ALPK1: variants seen among roughly 807,000 people sequenced by gnomAD.
ALPK1 encodes alpha-protein kinase 1.
In ALPK1, 110 loss-of-function variants were observed where a neutral mutation model predicts 120.6. The observed-to-expected ratio is 0.91, with a 90% confidence interval of 0.78 to 1.07. ALPK1 has a LOEUF of 1.07. ALPK1 is among the 50% of genes least tolerant of loss of function. ALPK1 has a pLI of 0.00. For synonymous variants in ALPK1, 582 were observed against 560.3 expected, an observed-to-expected ratio of 1.04 and a Z score of -0.55; for missense variants, 1,498 against 1,483.9, an observed-to-expected ratio of 1.01 and a Z score of -0.16.
chr4:112,336,697 A>T (rs975686112), intron 2 of ALPK1, among the ~76,000 whole-genome samples: 1 of 152,128 alleles, frequency 6.6e-6, no homozygotes, highest in Non-Finnish European at 1.5e-5. Flanking sequence ...TTCTATAGTT[A>T]TCTTTTTTGT....
In ALPK1 at chr4:112,335,427, C is replaced by T. The variant is rs138868296; in HGVS notation, c.-101+19575C>T. On this transcript the variant is annotated intron_variant, in intron 2 of 15. Transcript: ENST00000650871. The stretch of plus-strand genomic sequence containing the variant: ...TTTTGCAAAAGGTAGATATGAATGC[C>T]TTTGTGGGAGGATGGTTGGATTCCT... 3.7e-4 allele frequency among the ~76,000 whole-genome samples: 56 copies of T among 152,122 alleles called. 1 individual carries two copies. In the East Asian group the frequency reaches 0.01, roughly 28 times the overall value.
At chr4:112,306,793 C>T (rs572836362) in intron 1 of ALPK1, among the ~76,000 whole-genome samples, 1 of 152,110 alleles carries the variant, frequency 6.6e-6, no homozygotes, top group African/African-American at 2.4e-5. Flanking sequence ...CTTCTGCTAG[C>T]TTTTGAATGT....
chr4:112,323,826 A>G (rs574999298), intron 2 of ALPK1, among the ~76,000 whole-genome samples: 5 of 152,204 alleles, frequency 3.3e-5, no homozygotes, highest in Admixed American at 6.5e-5. Context: ...GGCAGACGGC[A>G]TGAAACTCCT....
intron 2 of ALPK1, among the ~76,000 whole-genome samples, chr4:112,361,590 G>C (rs1407368953): frequency 2.0e-5 from 3 of 152,168 alleles, no homozygotes; most frequent in African/African-American, 7.2e-5. Context: ...TCTGAGCTTA[G>C]ACACGCCTAA....
intron 2 of ALPK1, among the ~76,000 whole-genome samples, chr4:112,338,156 G>A (rs930009611): frequency 2.0e-5 from 3 of 152,042 alleles, no homozygotes; most frequent in African/African-American, 7.3e-5. Context: ...TAGTAGAGAC[G>A]GGGTTTTGCC....
chr4:112,403,378 C>T (rs1448259617), intron 4 of ALPK1, among the ~76,000 whole-genome samples: 1 of 152,130 alleles, frequency 6.6e-6, no homozygotes, highest in Non-Finnish European at 1.5e-5. Flanking sequence ...CCACCTAAAT[C>T]TGTATGTAGT....
At chr4:112,332,518 G>C (rs1252952437) in intron 2 of ALPK1, among the ~76,000 whole-genome samples, 1 of 152,180 alleles carries the variant, frequency 6.6e-6, no homozygotes, top group East Asian at 1.9e-4. Context: ...TCATTGACTG[G>C]TTGCCATCAA....
At chr4:112,381,181 T>G (rs991592750) in intron 3 of ALPK1, among the ~76,000 whole-genome samples, 1 of 152,150 alleles carries the variant, frequency 6.6e-6, no homozygotes, top group Non-Finnish European at 1.5e-5. Flanking sequence ...CAGGCAAGAA[T>G]TACTGCCAAG....
At chr4:112,373,646 G>C (rs1467213072) in intron 2 of ALPK1, among the ~76,000 whole-genome samples, 1 of 152,108 alleles carries the variant, frequency 6.6e-6, no homozygotes, top group Non-Finnish European at 1.5e-5. Flanking sequence ...AATCCTACTT[G>C]GGAGGTTGAG....
intron 4 of ALPK1, among the ~76,000 whole-genome samples, chr4:112,386,803 T>C (rs1454167190): frequency 6.6e-6 from 1 of 152,226 alleles, no homozygotes; most frequent in Non-Finnish European, 1.5e-5. Context: ...CGCCTGACAC[T>C]TTGACCTGTA....
chr4:112,306,184 C>T (rs1247627488), intron 1 of ALPK1, among the ~76,000 whole-genome samples: 1 of 152,044 alleles, frequency 6.6e-6, no homozygotes, highest in African/African-American at 2.4e-5. Flanking sequence ...CATCGATGTT[C>T]ATCAGGGATA....
At position 112,374,260 on chromosome 4, in the gene ALPK1, T is replaced by C. The variant is rs527330110; in HGVS notation, c.-100-3418T>C. Among the ~76,000 whole-genome samples the C allele has an allele frequency of 1.2e-4, 18 of 152,334 alleles. No individual in the cohort carries two copies. The South Asian group carries it at 3.7e-3, about 32-fold the overall frequency. ...ATCTTTACCAGGAGTAGATTTCATC[T>C]CAAGAAACCACCTTCCTTGCCCATC... is the stretch of plus-strand genomic sequence containing the variant. On this transcript the variant is annotated intron_variant, in intron 2 of 15. Coordinates refer to ENST00000650871, the MANE Select transcript of ALPK1 (RefSeq NM_025144.4).
At position 112,358,996 on chromosome 4, in the gene ALPK1, A is replaced by G. The variant is rs992860351; in HGVS notation, c.-100-18682A>G. On this transcript the variant is annotated intron_variant, in intron 2 of 15. Coordinates refer to ENST00000650871, the MANE Select transcript of ALPK1 (RefSeq NM_025144.4). ...CAGCAGTTTGAGGAGGTCTGTATACAGCTAACAGGACAAGGCTGTGGCTAT... is the reference window on the plus strand; with the variant it reads ...CAGCAGTTTGAGGAGGTCTGTATACGGCTAACAGGACAAGGCTGTGGCTAT... 3.9e-6 allele frequency: 3 copies of G among 767,130 alleles called. No individual in the cohort carries two copies. The African/African-American group carries it at 5.1e-5, about 13-fold the overall frequency. 47.5% of individuals were successfully genotyped at this position (767,130 alleles called of 1,614,324 possible).
At chr4:112,320,731 G>T (rs1410403383) in intron 2 of ALPK1, among the ~76,000 whole-genome samples, 4 of 151,900 alleles carry the variant, frequency 2.6e-5, no homozygotes, top group African/African-American at 9.7e-5. Flanking sequence ...TTATTGGTCT[G>T]TTCAGAGTTT....
chr4:112,348,281 G>T (rs1296227218), intron 2 of ALPK1, among the ~76,000 whole-genome samples: 2 of 152,214 alleles, frequency 1.3e-5, no homozygotes, highest in Non-Finnish European at 2.9e-5. Context: ...CATTAAAACT[G>T]CAAGTTATAG....
intron 4 of ALPK1, among the ~76,000 whole-genome samples, chr4:112,388,154 T>C (rs1332656688): frequency 1.3e-5 from 2 of 152,246 alleles, no homozygotes; most frequent in Non-Finnish European, 2.9e-5. Context: ...TTCTAATATG[T>C]CTCTTTGTAT....
intron 2 of ALPK1, chr4:112,357,845 A>C (rs1322719146): frequency 9.1e-7 from 1 of 1,101,110 alleles, no homozygotes; most frequent in Non-Finnish European, 1.4e-6. Context: ...TGGCAGGCCC[A>C]CTACTTGGCT....
intron 5 of ALPK1, 79 bp downstream of exon 5, chr4:112,412,104 T>C: frequency 6.4e-7 from 1 of 1,562,338 alleles, no homozygotes. Context: ...TTGACCTCTG[T>C]GGGACACCCG....
intron 2 of ALPK1, chr4:112,357,957 G>A: frequency 1.3e-6 from 1 of 761,030 alleles, no homozygotes; most frequent in Admixed American, 1.9e-5. Context: ...CCTCCCCCGG[G>A]GTCTACCGGC....
Sources: gnomAD v4.1 joint callset for allele counts (sites outside exome capture counted in the v4.1 genomes callset) on GRCh38, gnomAD v4.1.1 for gene constraint, MANE v1.5 for transcripts, NCBI Gene and HGNC (gene_info 2026-07-23, HGNC 2026-07-21) for gene names.